The following EPHA6 variants were observed in gnomAD, a reference collection of about 807,000 sequenced individuals.
EPHA6 encodes EPH receptor A6.
A neutral mutation model predicts 112.0 loss-of-function variants in EPHA6; 50 were observed. The ratio of observed to expected loss-of-function variants is 0.45; its 90% CI spans 0.36 to 0.56. The LOEUF is 0.56. Ranked by LOEUF, EPHA6 falls within the 20% of genes least tolerant of loss-of-function variation. EPHA6 has a pLI of 0.00. For synonymous variants in EPHA6, 529 were observed against 490.7 expected, an observed-to-expected ratio of 1.08 and a Z score of -1.03; for missense variants, 1,280 against 1,417.4, an observed-to-expected ratio of 0.90 and a Z score of 1.56.
chr3:96,922,725 G>T (rs1379886904), intron 2 of EPHA6, among the ~76,000 whole-genome samples: 1 of 151,968 alleles, frequency 6.6e-6, no homozygotes, highest in Non-Finnish European at 1.5e-5. Flanking sequence ...GTGCCATGGG[G>T]TTTACTGCAC....
intron 5 of EPHA6, among the ~76,000 whole-genome samples, chr3:97,345,261 G>A (rs1268766243): frequency 1.3e-5 from 2 of 152,036 alleles, no homozygotes; most frequent in South Asian, 4.1e-4. Flanking sequence ...ATAAATATTT[G>A]GAGGTCAAAA....
intron 2 of EPHA6, among the ~76,000 whole-genome samples, chr3:96,955,258 C>T (rs910348277): frequency 6.6e-5 from 10 of 152,114 alleles, no homozygotes; most frequent in African/African-American, 2.4e-4. Flanking sequence ...CAAAAAGACA[C>T]ATCACATGTG....
At chr3:97,688,197 T>G (rs1243926491) in intron 14 of EPHA6, among the ~76,000 whole-genome samples, 2 of 152,198 alleles carry the variant, frequency 1.3e-5, no homozygotes, top group Non-Finnish European at 2.9e-5. Context: ...ATTGTGTCTT[T>G]CAATGTATGT....
At position 97,691,491 on chromosome 3, in the gene EPHA6, G is replaced by A. The variant is rs186515254; in HGVS notation, c.2785-28770G>A. ...TTTTTAGCCCCTTTTTTCTGTTGTT[G>A]GTTTTTTTGCCTGAATTACATATAG... is the stretch of plus-strand genomic sequence containing the variant. On this transcript the variant is annotated intron_variant, in intron 14 of 17. Transcript: ENST00000389672. Among the ~76,000 whole-genome samples, 135 of 151,974 alleles carry A rather than the reference G, an allele frequency of 8.9e-4. 1 individual carries two copies. The highest frequency in any genetic ancestry group is 3.0e-3 in the African/African-American group (124 of 41,440).
In EPHA6 at chr3:97,465,111, G is replaced by A. The variant is rs538658699; in HGVS notation, c.1895-10241G>A. Among the ~76,000 whole-genome samples the A allele has an allele frequency of 2.6e-5, 4 of 152,080 alleles. No individual in the cohort carries two copies. The South Asian group carries it at 8.3e-4, about 31-fold the overall frequency. On this transcript the variant is annotated intron_variant, in intron 7 of 17. Transcript: ENST00000389672. ...AAATTAATAAATAAAACACAATACT[G>A]GTTTTTATATTACATGACAAGGTGA...
intron 12 of EPHA6, among the ~76,000 whole-genome samples, 180 bp from the exon 13 acceptor site, chr3:97,610,613 T>C: frequency 6.6e-6 from 1 of 151,734 alleles, no homozygotes; most frequent in East Asian, 1.9e-4. Context: ...GAAATAATGC[T>C]ATAAAGAAAT....
chr3:97,224,626 G>A (rs894130387), intron 3 of EPHA6, among the ~76,000 whole-genome samples: 2 of 151,966 alleles, frequency 1.3e-5, no homozygotes, highest in Non-Finnish European at 2.9e-5. Context: ...TTCTATATAT[G>A]TACATGTAAA....
At chr3:97,007,928 G>A (rs2043947041) in intron 3 of EPHA6, among the ~76,000 whole-genome samples, 1 of 152,030 alleles carries the variant, frequency 6.6e-6, no homozygotes, top group South Asian at 2.1e-4. Flanking sequence ...TTGAATATTG[G>A]CCTCCCACTC....
At chr3:96,926,597 A>T (rs1389062596) in intron 2 of EPHA6, among the ~76,000 whole-genome samples, 3 of 152,236 alleles carry the variant, frequency 2.0e-5, no homozygotes, top group Non-Finnish European at 4.4e-5. Flanking sequence ...CAGGTATTGG[A>T]TAAATGCTCT....
intron 3 of EPHA6, among the ~76,000 whole-genome samples, chr3:97,051,082 T>C (rs2045670023): frequency 6.6e-6 from 1 of 152,156 alleles, no homozygotes; most frequent in African/African-American, 2.4e-5. Context: ...TAGACAGGCT[T>C]GTCAGGACCC....
intron 11 of EPHA6, among the ~76,000 whole-genome samples, chr3:97,544,272 A>T (rs2092912811): frequency 6.6e-6 from 1 of 151,996 alleles, no homozygotes; most frequent in Admixed American, 6.5e-5. Context: ...TCCCATCAAT[A>T]CCTAATTTAT....
In EPHA6 at chr3:97,748,700, G is replaced by A; in HGVS notation, c.3392G>A (p.Ter1131=). 1.3e-6 allele frequency: 2 copies of A among 1,523,632 alleles called. No homozygotes were observed. The highest frequency in any genetic ancestry group is 1.8e-6 in the Non-Finnish European group (2 of 1,098,296). 94.4% of individuals were successfully genotyped at this position (1,523,632 alleles called of 1,614,324 possible). The change falls in exon 18 of 18, where the codon TGA becomes TAA. Residue 1131 remains the stop codon, a stop_retained_variant. Coordinates refer to ENST00000389672, the MANE Select transcript of EPHA6 (RefSeq NM_001080448.3). Reference sequence around the variant, plus strand: ...ATACAGGAGAAGGGATTTCATGTATGAAAGTACCACAAGCACCTGTGTTTT... The same window carrying A: ...ATACAGGAGAAGGGATTTCATGTATAAAAGTACCACAAGCACCTGTGTTTT... ...MHIQEKGFHV[*]
chr3:97,533,191 G>A (rs974136222), intron 11 of EPHA6, among the ~76,000 whole-genome samples: 1 of 151,764 alleles, frequency 6.6e-6, no homozygotes, highest in South Asian at 2.1e-4. Context: ...CATAAAATAT[G>A]ACAATATTTC....
chr3:97,484,294 G>A (rs191229577), intron 10 of EPHA6, among the ~76,000 whole-genome samples: 1 of 152,004 alleles, frequency 6.6e-6, no homozygotes. Context: ...TTTTTTTATA[G>A]TAGAGATAAA....
chr3:97,567,066 G>A (rs1458507697), intron 11 of EPHA6, among the ~76,000 whole-genome samples: 9 of 152,160 alleles, frequency 5.9e-5, no homozygotes, highest in African/African-American at 2.2e-4. Flanking sequence ...AAAAGCAGAT[G>A]TCTAGTATTT....
intron 7 of EPHA6, among the ~76,000 whole-genome samples, chr3:97,451,480 A>C (rs2107333862): frequency 6.6e-6 from 1 of 151,890 alleles, no homozygotes; most frequent in Non-Finnish European, 1.5e-5. Flanking sequence ...GAAGAGATAA[A>C]ATGTCTGAGA....
At chr3:97,451,863 T>A (rs1196638397) in intron 7 of EPHA6, among the ~76,000 whole-genome samples, 2 of 151,920 alleles carry the variant, frequency 1.3e-5, no homozygotes, top group Non-Finnish European at 2.9e-5. Context: ...CTCTCTTGTG[T>A]ATTCCACTTA....
chr3:97,029,020 T>A (rs1183528286), intron 3 of EPHA6, among the ~76,000 whole-genome samples: 1 of 151,500 alleles, frequency 6.6e-6, no homozygotes, highest in Non-Finnish European at 1.5e-5. Flanking sequence ...TTTCATAAAA[T>A]AAAAACAAAA....
At chr3:97,618,302 C>A (rs1414564659) in intron 13 of EPHA6, among the ~76,000 whole-genome samples, 1 of 152,004 alleles carries the variant, frequency 6.6e-6, no homozygotes, top group Non-Finnish European at 1.5e-5. Context: ...ATATTTAGCA[C>A]TAAATACCCA....
Sources: allele counts gnomAD v4.1 joint callset (sites outside exome capture counted in the v4.1 genomes callset), GRCh38; gene constraint gnomAD v4.1.1; transcripts MANE v1.5; gene names NCBI Gene and HGNC (gene_info 2026-07-23, HGNC 2026-07-21).